Variants in ATP13A5 observed in about 807,000 individuals in gnomAD.
The protein encoded by ATP13A5 is ATPase 13A5, also known as probable cation-transporting ATPase 13A5.
In ATP13A5, 149 loss-of-function variants were observed where a neutral mutation model predicts 150.2. The ratio of observed to expected loss-of-function variants is 0.99; its 90% CI spans 0.87 to 1.14. The LOEUF (loss-of-function observed/expected upper bound fraction) is 1.14, where lower values mean the gene tolerates loss of function less well. Ranked by LOEUF, ATP13A5 falls within the 50% of genes most tolerant of loss-of-function variation. ATP13A5 has a pLI of 0.00. For missense variants in ATP13A5, 1,383 were observed against 1,449.3 expected, an observed-to-expected ratio of 0.95 and a Z score of 0.74; for synonymous variants, 497 against 522.2, an observed-to-expected ratio of 0.95 and a Z score of 0.66.
At chr3:193,370,829 C>T (rs925415054) in intron 1 of ATP13A5, among the ~76,000 whole-genome samples, 1 of 152,058 alleles carries the variant, frequency 6.6e-6, no homozygotes, top group African/African-American at 2.4e-5. Flanking sequence ...ATTTGTAGAA[C>T]AAAAACAGTC....
rs1488775906 is a variant in ATP13A5, at chr3:193,325,166, C to T, written c.1524-152G>A. 3 of 737,754 alleles carry T rather than the reference C, an allele frequency of 4.1e-6. No homozygotes were observed. In the East Asian group the frequency reaches 8.2e-5, roughly 20 times the overall value. 45.7% of individuals were successfully genotyped at this position (737,754 alleles called of 1,614,324 possible). ...GCTCCAAATGATAAAGTCCAAACCCCTTAGCCTGGTATTCAAAGTCTTGTC... is the reference window on the plus strand; with the variant it reads ...GCTCCAAATGATAAAGTCCAAACCCTTTAGCCTGGTATTCAAAGTCTTGTC... On this transcript the variant is annotated intron_variant, in intron 13 of 29. Coordinates refer to ENST00000342358, the MANE Select transcript of ATP13A5 (RefSeq NM_198505.4).
At chr3:193,296,161 CTTCATGGTATG>C (rs1718162182) in intron 25 of ATP13A5, among the ~76,000 whole-genome samples, 1 of 152,020 alleles carries the variant, frequency 6.6e-6, no homozygotes, top group Admixed American at 6.6e-5. Flanking sequence ...TAGAAAAGGG[CTTCATGGTATG>C]TACCACTAGG....
At chr3:193,348,121 A>T (rs553397231) in intron 7 of ATP13A5, among the ~76,000 whole-genome samples, 2 of 152,312 alleles carry the variant, frequency 1.3e-5, no homozygotes, top group South Asian at 4.1e-4. Context: ...GAAAATCTGC[A>T]AACACGGGTT....
At chr3:193,361,152 C>A (rs555750580) in intron 5 of ATP13A5, among the ~76,000 whole-genome samples, 2 of 152,266 alleles carry the variant, frequency 1.3e-5, no homozygotes, top group African/African-American at 4.8e-5. Context: ...TAGATAAATC[C>A]TTTACATGCC....
chr3:193,350,114 T>C (rs1190939262), intron 7 of ATP13A5, among the ~76,000 whole-genome samples: 3 of 152,048 alleles, frequency 2.0e-5, no homozygotes, highest in Non-Finnish European at 2.9e-5. Flanking sequence ...ATTGCCATTA[T>C]ATATAAAGTG....
At chr3:193,322,659 C>A (rs1030492830) in intron 14 of ATP13A5, 85 bp from the exon 15 acceptor site, 1 of 940,368 alleles carries the variant, frequency 1.1e-6, no homozygotes, top group Non-Finnish European at 1.6e-6. Context: ...ATACTTTAAT[C>A]TTTTCAAAGC....
chr3:193,305,137 AT>A lies in ATP13A5; in HGVS notation c.2678+421del, dbSNP rs1360779037. 3.9e-5 allele frequency among the ~76,000 whole-genome samples: 6 copies of A among 152,300 alleles called. No individual in the cohort carries two copies. The East Asian group carries it at 9.7e-4, about 25-fold the overall frequency. Reference sequence around the variant, plus strand: ...ACTTTTTATGTAAAAGATATTGGATATTTACTAATTTGCATTTTGGAGACAT... The same window carrying A: ...ACTTTTTATGTAAAAGATATTGGATATTACTAATTTGCATTTTGGAGACAT... On this transcript the variant is annotated intron_variant, in intron 23 of 29. Transcript: ENST00000342358.
At chr3:193,307,245 GA>G in intron 22 of ATP13A5, 81 bp downstream of exon 22, 3 of 1,605,772 alleles carry the variant, frequency 1.9e-6, no homozygotes, top group Non-Finnish European at 2.6e-6. Context: ...GAAGGATGAA[GA>G]GACAAACCCC....
In ATP13A5 at chr3:193,333,876, T is replaced by A. The variant is rs750043889; in HGVS notation, c.1146A>T (p.Arg382Ser). 4 of 1,613,804 alleles carry A rather than the reference T, an allele frequency of 2.5e-6. No homozygotes were observed. In the Admixed American group the frequency reaches 6.7e-5, roughly 27 times the overall value. Residue 382 changes from arginine to serine, a missense_variant, in exon 11 of 30, where the codon AGA (arginine) becomes AGT (serine). By Grantham distance (110) the Arg-to-Ser change is moderately radical. Transcript: ENST00000342358. ...GYNTAKGDLVRSILYPRPLNF... is the reference protein window; with the variant it reads ...GYNTAKGDLVSSILYPRPLNF... ...TCAGAGGCCGGGGGTACAGGATGGA[T>A]CTCACTAAGTCCCCTTTGGCTGTAT... is the stretch of plus-strand genomic sequence containing the variant.
At chr3:193,284,200 G>T (rs1023716721) in intron 27 of ATP13A5, among the ~76,000 whole-genome samples, 2 of 151,294 alleles carry the variant, frequency 1.3e-5, no homozygotes, top group Non-Finnish European at 2.9e-5. Flanking sequence ...TTGTAAAAGT[G>T]TTTTTTTAGA....
At chr3:193,329,730 C>G (rs1343500246) in intron 12 of ATP13A5, among the ~76,000 whole-genome samples, 2 of 152,170 alleles carry the variant, frequency 1.3e-5, no homozygotes, top group Non-Finnish European at 2.9e-5. Flanking sequence ...CCCCTTTCAC[C>G]TGGGGACCAA....
In ATP13A5 at chr3:193,327,019, C is replaced by G; in HGVS notation, c.1500G>C (p.Gly500=). The G allele has an allele frequency of 1.2e-6, 2 of 1,613,112 alleles. No individual in the cohort carries two copies. Among genetic ancestry groups the G allele is most frequent in the Non-Finnish European group, 1.7e-6 (2 of 1,179,766 alleles). Residue 500 remains glycine (G), a synonymous_variant, in exon 13 of 30, where the codon GGG becomes GGC. Coordinates refer to ENST00000342358, the MANE Select transcript of ATP13A5 (RefSeq NM_198505.4). ...ACCAGTTGTCAGCAGTAGGGACAGT[C>G]CCCCAGAGGTCCAGCCCATCTTCAG... ...TLTEDGLDLW[G]TVPTADNCFQ... is the part of the protein sequence containing the mutation.
At position 193,333,754 on chromosome 3, in the gene ATP13A5, T is replaced by C; in HGVS notation, c.1268A>G (p.His423Arg). 6.2e-7 allele frequency: 1 copy of C among 1,613,354 alleles called. No homozygotes were observed. The highest frequency in any genetic ancestry group is 8.5e-7 in the Non-Finnish European group (1 of 1,179,608). Residue 423 changes from histidine to arginine, a missense_variant, in exon 11 of 30, where the codon CAT (histidine) becomes CGT (arginine). Coordinates refer to ENST00000342358, the MANE Select transcript of ATP13A5 (RefSeq NM_198505.4). ...AGCCTTACCCCCAGTACTTACTCCATGGTACATATATACCCCTAGGGCATA... is the reference window on the plus strand; with the variant it reads ...AGCCTTACCCCCAGTACTTACTCCACGGTACATATATACCCCTAGGGCATA... Reference protein sequence around the residue: ...FFYALGVYMYHGVPPKDTVTM... With the variant: ...FFYALGVYMYRGVPPKDTVTM...
At chr3:193,339,376 C>T (rs1712026060) in intron 9 of ATP13A5, among the ~76,000 whole-genome samples, 1 of 152,132 alleles carries the variant, frequency 6.6e-6, no homozygotes, top group Non-Finnish European at 1.5e-5. Context: ...GCATTTAGTG[C>T]TATAAATTTC....
At chr3:193,367,757 T>G (rs571167316) in intron 1 of ATP13A5, among the ~76,000 whole-genome samples, 51 of 152,260 alleles carry the variant, frequency 3.3e-4, no homozygotes, top group African/African-American at 1.2e-3. Flanking sequence ...AGAAAAAGAC[T>G]TATACAATTC....
intron 6 of ATP13A5, among the ~76,000 whole-genome samples, chr3:193,352,948 C>T (rs4274698): frequency 0.54 from 81,836 of 151,364 alleles, 22,318 homozygotes; most frequent in African/African-American, 0.61. Flanking sequence ...CTAGGAGCCC[C>T]TTTCTCGGAG....
At position 193,275,114 on chromosome 3, in the gene ATP13A5, A is replaced by T. The variant is rs1717126150; in HGVS notation, c.3585T>A (p.His1195Gln). The T allele has an allele frequency of 6.2e-7, 1 of 1,614,070 alleles. No homozygotes were observed. Among genetic ancestry groups the T allele is most frequent in the African/African-American group, 1.3e-5 (1 of 74,924 alleles). The change falls in exon 30 of 30, where the codon CAT (histidine) becomes CAA (glutamine). Residue 1195 changes from histidine to glutamine, a missense_variant. This residue lies in a region of ATP13A5 where 568 missense variants were observed against 621.5 expected (regional missense o/e 0.91). Transcript: ENST00000342358. ...TGAGTTTTCTTTTTGGAATCTGTTCATGGCTTTCATAGCCTCCGTTGATGT... is the reference window on the plus strand; with the variant it reads ...TGAGTTTTCTTTTTGGAATCTGTTCTTGGCTTTCATAGCCTCCGTTGATGT... The part of the protein sequence containing the change: ...GFYINGGYES[H>Q]EQIPKRKLKL...
intron 1 of ATP13A5, among the ~76,000 whole-genome samples, chr3:193,365,970 A>G (rs1244528398): frequency 6.6e-6 from 1 of 152,064 alleles, no homozygotes; most frequent in Non-Finnish European, 1.5e-5. Flanking sequence ...AGATATTTCT[A>G]CTCTTTGAAT....
At chr3:193,287,272 G>C (rs1717760045) in intron 26 of ATP13A5, among the ~76,000 whole-genome samples, 2 of 152,148 alleles carry the variant, frequency 1.3e-5, no homozygotes, top group Admixed American at 1.3e-4. Flanking sequence ...ACACTAAACA[G>C]CTCTCAGTGG....
Sources: allele counts gnomAD v4.1 joint callset (sites outside exome capture counted in the v4.1 genomes callset), GRCh38; gene constraint gnomAD v4.1.1; regional missense constraint gnomAD v4.1.1; transcripts MANE v1.5; gene names NCBI Gene and HGNC (gene_info 2026-07-23, HGNC 2026-07-21).